DPH6: variants seen among roughly 807,000 people sequenced by gnomAD.
The protein encoded by DPH6 is diphthine--ammonia ligase.
A neutral mutation model predicts 38.2 loss-of-function variants in DPH6; 33 were observed. That is an observed-to-expected ratio of 0.86 (90% CI 0.65 to 1.15). The LOEUF is 1.15. Ranked by LOEUF, DPH6 falls within the 50% of genes most tolerant of loss-of-function variation. The pLI is 0.00. For missense variants in DPH6, 325 were observed against 320.0 expected (o/e 1.02, Z -0.12); for synonymous variants, 108 against 103.0 (o/e 1.05, Z -0.30).
chr15:35,310,023 A>G (rs2052127227), intron 3 of DPH6, among the ~76,000 whole-genome samples: 1 of 152,130 alleles, frequency 6.6e-6, no homozygotes, highest in Non-Finnish European at 1.5e-5. Context: ...CCTGTGTCAC[A>G]GTAGTTTTAG....
the DPH6 span, among the ~76,000 whole-genome samples, chr15:35,147,460 T>C: frequency 6.6e-6 from 1 of 152,060 alleles, no homozygotes; most frequent in Non-Finnish European, 1.5e-5. Flanking sequence ...GAGTAAACAA[T>C]ATAAAATTGT....
chr15:35,527,284 CTCATT>C (rs1213017539), intron 3 of DPH6, among the ~76,000 whole-genome samples: 12 of 151,840 alleles, frequency 7.9e-5, no homozygotes, highest in Non-Finnish European at 1.6e-4. Context: ...CAAATATATT[CTCATT>C]TGTTTTCAAA....
intron 3 of DPH6, among the ~76,000 whole-genome samples, chr15:35,465,143 C>T (rs1265592445): frequency 6.6e-6 from 1 of 152,054 alleles, no homozygotes; most frequent in African/African-American, 2.4e-5. Context: ...CTACTTATTA[C>T]AAAGATAAGA....
At chr15:35,247,177 T>C (rs1287644684) in intron 3 of DPH6, among the ~76,000 whole-genome samples, 1 of 152,190 alleles carries the variant, frequency 6.6e-6, no homozygotes, top group African/African-American at 2.4e-5. Flanking sequence ...TTTAAAGAAA[T>C]AAGAGTCTGA....
intron 3 of DPH6, among the ~76,000 whole-genome samples, chr15:35,465,020 C>T (rs2054110775): frequency 6.6e-6 from 1 of 152,164 alleles, no homozygotes; most frequent in African/African-American, 2.4e-5. Context: ...AATCTAGACA[C>T]AAATTAGACT....
intron 6 of DPH6, among the ~76,000 whole-genome samples, chr15:35,406,900 T>C (rs2053300721): frequency 6.6e-6 from 1 of 151,840 alleles, no homozygotes; most frequent in Non-Finnish European, 1.5e-5. Context: ...ATAAAACTGG[T>C]AGTTGAAGTC....
intron 5 of DPH6, among the ~76,000 whole-genome samples, chr15:35,423,920 T>C (rs2053537076): frequency 6.6e-6 from 1 of 151,778 alleles, no homozygotes; most frequent in South Asian, 2.1e-4. Flanking sequence ...TCTATTCCAT[T>C]GGTCTCTATA....
intron 3 of DPH6, among the ~76,000 whole-genome samples, chr15:35,354,532 A>G (rs1007746443): frequency 1.3e-5 from 2 of 152,170 alleles, no homozygotes; most frequent in African/African-American, 4.8e-5. Flanking sequence ...GCATCTATTG[A>G]GATAATCATG....
intron 3 of DPH6, among the ~76,000 whole-genome samples, chr15:35,226,571 TGGGA>T (rs1274292716): frequency 1.3e-5 from 2 of 152,204 alleles, no homozygotes; most frequent in East Asian, 3.8e-4. Context: ...TGAAGAAACC[TGGGA>T]TACATTTACA....
chr15:35,472,608 GT>G (rs1486465520), intron 3 of DPH6, among the ~76,000 whole-genome samples: 6 of 152,082 alleles, frequency 3.9e-5, no homozygotes, highest in Non-Finnish European at 7.4e-5. Flanking sequence ...AGGCAAAAAG[GT>G]GGCAAAAAGG....
chr15:35,293,134 T>C (rs376288329), intron 3 of DPH6, among the ~76,000 whole-genome samples: 1 of 152,198 alleles, frequency 6.6e-6, no homozygotes, highest in Admixed American at 6.5e-5. Flanking sequence ...AAATTCACTA[T>C]AGAATTTGCT....
intron 8 of DPH6, chr15:35,372,436 T>C: frequency 6.4e-6 from 2 of 313,734 alleles, no homozygotes; most frequent in Non-Finnish European, 1.2e-5. Context: ...ATGGCTGGAA[T>C]GCCTACACAT....
intron 1 of DPH6, among the ~76,000 whole-genome samples, chr15:35,543,303 T>TATATATATATA (rs2079007192): frequency 9.5e-5 from 12 of 125,842 alleles, no homozygotes; most frequent in East Asian, 2.5e-4. Flanking sequence ...TATATATATA[T>TATATATATATA]GATGGCAGCA....
intron 2 of DPH6, among the ~76,000 whole-genome samples, chr15:35,540,348 C>T (rs1011540590): frequency 2.6e-5 from 4 of 152,068 alleles, no homozygotes; most frequent in African/African-American, 7.2e-5. Context: ...GCATTATCCT[C>T]ATTGATGGGA....
intron 3 of DPH6, among the ~76,000 whole-genome samples, chr15:35,455,135 G>A (rs755717275): frequency 9.2e-5 from 14 of 152,100 alleles, no homozygotes; most frequent in Non-Finnish European, 1.8e-4. Context: ...ACTGATGTTC[G>A]ATGGAAACTT....
intron 3 of DPH6, among the ~76,000 whole-genome samples, chr15:35,500,679 A>G (rs1020773652): frequency 6.6e-6 from 1 of 152,144 alleles, no homozygotes; most frequent in Non-Finnish European, 1.5e-5. Context: ...CACTCACGTG[A>G]TATCTTCCAT....
intron 3 of DPH6, among the ~76,000 whole-genome samples, chr15:35,347,749 A>G (rs780558110): frequency 7.9e-5 from 12 of 151,934 alleles, no homozygotes; most frequent in Non-Finnish European, 1.6e-4. Context: ...AATGTAAAAT[A>G]CATTTTACAT....
At chr15:35,354,718 T>C (rs1171475263) in intron 3 of DPH6, among the ~76,000 whole-genome samples, 1 of 152,218 alleles carries the variant, frequency 6.6e-6, no homozygotes, top group Non-Finnish European at 1.5e-5. Context: ...TTGATGTTCA[T>C]CAGGGATATT....
intron 3 of DPH6, among the ~76,000 whole-genome samples, chr15:35,504,304 T>C (rs184122112): frequency 6.6e-5 from 10 of 152,066 alleles, no homozygotes; most frequent in African/African-American, 1.9e-4. Context: ...CACACCAAAT[T>C]ATGAGAGGTA....
Sources: gnomAD v4.1 joint callset for allele counts (sites outside exome capture counted in the v4.1 genomes callset) on GRCh38, gnomAD v4.1.1 for gene constraint, MANE v1.5 for transcripts, NCBI Gene and HGNC (gene_info 2026-07-23, HGNC 2026-07-21) for gene names.